SPAG16: variants seen among roughly 807,000 people sequenced by gnomAD.
SPAG16 encodes the protein sperm-associated antigen 16 protein.
A neutral mutation model predicts 80.4 loss-of-function variants in SPAG16; 86 were observed. The ratio of observed to expected loss-of-function variants is 1.07; its 90% CI spans 0.90 to 1.28. SPAG16 has a LOEUF of 1.28. Among genes scored for constraint, SPAG16 ranks in the 50% most tolerant of loss-of-function variants. The pLI, the probability that SPAG16 is intolerant of heterozygous loss-of-function variation, is 0.00. For synonymous variants in SPAG16, 294 were observed against 265.9 expected (o/e 1.11, Z -1.03); for missense variants, 870 against 765.3 (o/e 1.14, Z -1.61).
chr2:213,794,591 G>A (rs556237091), intron 10 of SPAG16, among the ~76,000 whole-genome samples: 1 of 152,130 alleles, frequency 6.6e-6, no homozygotes, highest in East Asian at 1.9e-4. Context: ...TTGAGATGGG[G>A]ACAAAAAATG....
chr2:214,063,573 A>T (rs1008563500), intron 13 of SPAG16, among the ~76,000 whole-genome samples: 10 of 152,088 alleles, frequency 6.6e-5, no homozygotes, highest in Admixed American at 3.3e-4. Flanking sequence ...CACCCTTATG[A>T]CTTAATCACT....
chr2:213,298,475 C>G (rs1164446398), intron 3 of SPAG16, among the ~76,000 whole-genome samples: 1 of 152,100 alleles, frequency 6.6e-6, no homozygotes, highest in Admixed American at 6.5e-5. Flanking sequence ...CTTTATGTAC[C>G]ACTCATTTGT....
chr2:214,176,395 T>C (rs2057080878), intron 15 of SPAG16, among the ~76,000 whole-genome samples: 1 of 151,260 alleles, frequency 6.6e-6, no homozygotes, highest in South Asian at 2.1e-4. Context: ...AAACTTACAA[T>C]GAAAAAAAAT....
intron 13 of SPAG16, among the ~76,000 whole-genome samples, chr2:214,042,550 C>A (rs4550616): frequency 0.17 from 26,121 of 152,124 alleles, 3,086 homozygotes; most frequent in Middle Eastern, 0.28. Context: ...TGTTTTCCCC[C>A]TATCTCATCA....
At chr2:213,961,585 G>GTTTTTT (rs34367751) in intron 12 of SPAG16, among the ~76,000 whole-genome samples, 1 of 137,296 alleles carries the variant, frequency 7.3e-6, no homozygotes, top group African/African-American at 2.7e-5. Context: ...TCTAACCCTA[G>GTTTTTT]TTTTTTTTTT....
intron 10 of SPAG16, among the ~76,000 whole-genome samples, chr2:213,553,528 G>C (rs556507231): frequency 3.9e-5 from 6 of 151,990 alleles, no homozygotes; most frequent in Non-Finnish European, 7.4e-5. Context: ...GTTAAAAGAG[G>C]GGCTGCACGC....
intron 9 of SPAG16, among the ~76,000 whole-genome samples, chr2:213,462,148 C>G (rs2072407175): frequency 6.6e-6 from 1 of 152,140 alleles, no homozygotes. Context: ...AAGAGATTGA[C>G]TTGTTATCTT....
intron 10 of SPAG16, among the ~76,000 whole-genome samples, chr2:213,776,826 A>ACCCCCCCCCCCC (rs140864608): frequency 3.7e-5 from 4 of 107,556 alleles, no homozygotes; most frequent in African/African-American, 1.1e-4. Context: ...GTTCTATGCC[A>ACCCCCCCCCCCC]CCCCCCCCCC....
At position 214,366,735 on chromosome 2, in the gene SPAG16, G is replaced by C. The variant is rs189580813; in HGVS notation, c.1721-43405G>C. ...ATTGGAAAACAATTGGAACACAGCA[G>C]GGAAAGGTAAATACACAAAGAGAAA... On this transcript the variant is annotated intron_variant, in intron 15 of 15. Coordinates refer to ENST00000331683, the MANE Select transcript of SPAG16 (RefSeq NM_024532.5). Among the ~76,000 whole-genome samples, 272 of 152,104 alleles carry C rather than the reference G, an allele frequency of 1.8e-3. 2 individuals are homozygous for C. Among genetic ancestry groups the C allele is most frequent in the African/African-American group, 6.1e-3 (255 of 41,498 alleles).
intron 10 of SPAG16, among the ~76,000 whole-genome samples, chr2:213,501,256 A>G (rs1232868705): frequency 6.6e-6 from 1 of 152,188 alleles, no homozygotes; most frequent in African/African-American, 2.4e-5. Context: ...GCTAATAACA[A>G]CTTCTCAAGA....
chr2:213,439,036 T>A (rs1249528341), intron 9 of SPAG16, among the ~76,000 whole-genome samples: 1 of 152,150 alleles, frequency 6.6e-6, no homozygotes, highest in Non-Finnish European at 1.5e-5. Flanking sequence ...TTGGCTAACC[T>A]TGGATGAAGA....
chr2:214,261,428 T>C (rs906913913), intron 15 of SPAG16, among the ~76,000 whole-genome samples: 1 of 152,174 alleles, frequency 6.6e-6, no homozygotes, highest in Non-Finnish European at 1.5e-5. Flanking sequence ...AAACTGTTTA[T>C]ACTCTTAGTC....
chr2:214,195,136 A>C (rs1305649399), intron 15 of SPAG16, among the ~76,000 whole-genome samples: 1 of 152,092 alleles, frequency 6.6e-6, no homozygotes, highest in Non-Finnish European at 1.5e-5. Flanking sequence ...TAAAAGGAAT[A>C]GTCTGCCAGG....
intron 13 of SPAG16, among the ~76,000 whole-genome samples, chr2:214,083,445 G>A (rs1473844022): frequency 2.6e-5 from 4 of 152,070 alleles, no homozygotes; most frequent in African/African-American, 9.7e-5. Flanking sequence ...TTCATTCATG[G>A]AGAAAATACT....
chr2:214,234,871 A>G (rs1688969666), intron 15 of SPAG16, among the ~76,000 whole-genome samples: 1 of 151,488 alleles, frequency 6.6e-6, no homozygotes, highest in South Asian at 2.1e-4. Flanking sequence ...TACATGTACC[A>G]CACACACACA....
chr2:214,239,108 G>T (rs554324663), intron 15 of SPAG16: 28 of 152,018 alleles, frequency 1.8e-4, no homozygotes, highest in African/African-American at 6.8e-4. Flanking sequence ...AGAGCATATT[G>T]CAGCCCCAAA....
intron 10 of SPAG16, among the ~76,000 whole-genome samples, chr2:213,744,398 CA>C (rs1358281936): frequency 1.3e-5 from 2 of 152,244 alleles, no homozygotes; most frequent in East Asian, 3.9e-4. Context: ...CCCAGGTTAT[CA>C]GTCTGTGATC....
At chr2:213,359,461 C>T (rs894277547) in intron 7 of SPAG16, among the ~76,000 whole-genome samples, 26 of 152,176 alleles carry the variant, frequency 1.7e-4, no homozygotes, top group Non-Finnish European at 3.5e-4. Flanking sequence ...CTTTGTTTAC[C>T]TACTGAAGCC....
chr2:214,285,393 G>C (rs1693277356), intron 15 of SPAG16, among the ~76,000 whole-genome samples: 1 of 151,998 alleles, frequency 6.6e-6, no homozygotes, highest in Non-Finnish European at 1.5e-5. Context: ...GCCCTTATCA[G>C]ATGTATGCCT....
Sources: gnomAD v4.1 joint callset for allele counts (sites outside exome capture counted in the v4.1 genomes callset) on GRCh38, gnomAD v4.1.1 for gene constraint, MANE v1.5 for transcripts, NCBI Gene and HGNC (gene_info 2026-07-23, HGNC 2026-07-21) for gene names.